Variants in BMPER observed in about 807,000 individuals in gnomAD.
The protein encoded by BMPER is BMP binding endothelial regulator.
Under a neutral mutation model 87.3 loss-of-function variants are expected in BMPER, and 45 were observed. The observed-to-expected ratio is 0.52, with a 90% CI of 0.41 to 0.66. The LOEUF (loss-of-function observed/expected upper bound fraction) is 0.66. Ranked by LOEUF, BMPER falls within the 30% of genes least tolerant of loss-of-function variation. The pLI, the probability that BMPER is intolerant of heterozygous loss-of-function variation, is 0.00. For synonymous variants in BMPER, 326 were observed against 316.2 expected, an observed-to-expected ratio of 1.03 and a Z score of -0.33; for missense variants, 784 against 867.5, an observed-to-expected ratio of 0.90 and a Z score of 1.21.
At chr7:33,940,983 ATT>A (rs1784743418) in intron 3 of BMPER, among the ~76,000 whole-genome samples, 2 of 135,068 alleles carry the variant, frequency 1.5e-5, no homozygotes, top group Middle Eastern at 3.7e-3. Context: ...ATTTATATAT[ATT>A]ATATATTTAT....
intron 3 of BMPER, among the ~76,000 whole-genome samples, chr7:33,943,659 C>T (rs918348432): frequency 1.3e-5 from 2 of 152,152 alleles, no homozygotes; most frequent in Admixed American, 6.5e-5. Context: ...TTTTCTTTCC[C>T]TCTTCCCTGA....
At chr7:34,020,655 G>A (rs1041540273) in intron 6 of BMPER, among the ~76,000 whole-genome samples, 1 of 151,970 alleles carries the variant, frequency 6.6e-6, no homozygotes, top group African/African-American at 2.4e-5. Flanking sequence ...AGTAAAAGGC[G>A]AAGTAGTCCT....
chr7:33,919,951 C>CTATCTATT (rs1343141540), intron 2 of BMPER, among the ~76,000 whole-genome samples: 1 of 151,990 alleles, frequency 6.6e-6, no homozygotes, highest in Non-Finnish European at 1.5e-5. Flanking sequence ...ATCTATCTAT[C>CTATCTATT]TATATGTATT....
chr7:34,035,512 C>G (rs535721313), intron 6 of BMPER, among the ~76,000 whole-genome samples: 85 of 152,262 alleles, frequency 5.6e-4, no homozygotes, highest in African/African-American at 1.9e-3. Flanking sequence ...TCAAAGACTT[C>G]TAAGTATAAT....
In BMPER at chr7:34,099,825, CT is replaced by C. The variant is rs1789629258; in HGVS notation, c.1745+13735del. Among the ~76,000 whole-genome samples, 5 of 151,850 alleles carry C rather than the reference CT, an allele frequency of 3.3e-5. No individual in the cohort carries two copies. The South Asian group carries it at 1.0e-3, about 31-fold the overall frequency. On this transcript the variant is annotated intron_variant, in intron 13 of 14. Transcript: ENST00000649409. ...AAACTGATTTTTTTTTCACATCTTG[CT>C]TAAGATGTTCTCAATTGATGTGTTA... is the stretch of plus-strand genomic sequence containing the variant.
intron 6 of BMPER, among the ~76,000 whole-genome samples, chr7:33,988,670 T>C (rs1388444769): frequency 6.6e-6 from 1 of 152,066 alleles, no homozygotes; most frequent in East Asian, 1.9e-4. Context: ...ATTGTGCAGG[T>C]TAGTCACATA....
chr7:34,037,921 T>C (rs890553203), intron 6 of BMPER, among the ~76,000 whole-genome samples: 3 of 152,242 alleles, frequency 2.0e-5, no homozygotes, highest in African/African-American at 7.2e-5. Context: ...CTTGGCTATC[T>C]TTTCCTTAGG....
intron 13 of BMPER, among the ~76,000 whole-genome samples, chr7:34,115,442 A>G (rs1343684071): frequency 6.6e-6 from 1 of 152,240 alleles, no homozygotes; most frequent in East Asian, 1.9e-4. Context: ...TGTCAGTTCT[A>G]GAACTTATTT....
At chr7:34,126,118 T>C (rs1319731511) in intron 13 of BMPER, among the ~76,000 whole-genome samples, 2 of 152,176 alleles carry the variant, frequency 1.3e-5, no homozygotes, top group African/African-American at 4.8e-5. Context: ...AATGGGGTCA[T>C]TTTAGATACT....
intron 6 of BMPER, among the ~76,000 whole-genome samples, chr7:33,989,640 T>G (rs1786141254): frequency 1.3e-5 from 2 of 152,360 alleles, no homozygotes; most frequent in East Asian, 1.9e-4. Context: ...TTTGTCAATT[T>G]TGCCTTTTGT....
At chr7:34,090,415 C>G (rs955984013) in intron 13 of BMPER, among the ~76,000 whole-genome samples, 1 of 152,144 alleles carries the variant, frequency 6.6e-6, no homozygotes, top group Admixed American at 6.5e-5. Context: ...TATTGCTTCT[C>G]CCTTCATGTC....
At chr7:34,046,255 C>T (rs984621561) in intron 6 of BMPER, 51 bp from the exon 7 acceptor site, 1 of 1,546,540 alleles carries the variant, frequency 6.5e-7, no homozygotes, top group African/African-American at 1.4e-5. Flanking sequence ...GTTGTACAAT[C>T]TACATGCACT....
At chr7:34,120,951 G>A (rs1194677794) in intron 13 of BMPER, among the ~76,000 whole-genome samples, 2 of 151,798 alleles carry the variant, frequency 1.3e-5, no homozygotes, top group Non-Finnish European at 2.9e-5. Context: ...GGATATAATT[G>A]TATGTGGAAA....
At chr7:34,125,607 A>G (rs1228287618) in intron 13 of BMPER, among the ~76,000 whole-genome samples, 1 of 152,212 alleles carries the variant, frequency 6.6e-6, no homozygotes, top group Non-Finnish European at 1.5e-5. Context: ...TCATATATAC[A>G]TTTACTTTAC....
At chr7:33,918,415 C>T (rs1048674918) in intron 2 of BMPER, among the ~76,000 whole-genome samples, 1 of 152,222 alleles carries the variant, frequency 6.6e-6, no homozygotes, top group African/African-American at 2.4e-5. Context: ...GCCTGTGGGG[C>T]TTGCAGCTTC....
At chr7:34,151,892 C>T (rs982973822) in intron 14 of BMPER, among the ~76,000 whole-genome samples, 5 of 152,272 alleles carry the variant, frequency 3.3e-5, no homozygotes, top group South Asian at 2.1e-4. Flanking sequence ...ATTGATTACT[C>T]GCTGGATAGA....
chr7:34,056,134 A>T (rs1250023724), intron 9 of BMPER, among the ~76,000 whole-genome samples: 1 of 152,222 alleles, frequency 6.6e-6, no homozygotes, highest in Non-Finnish European at 1.5e-5. Flanking sequence ...CTGATGGAAT[A>T]GTAAGAAGAC....
At chr7:33,931,983 C>G (rs1316158777) in intron 2 of BMPER, among the ~76,000 whole-genome samples, 1 of 152,184 alleles carries the variant, frequency 6.6e-6, no homozygotes, top group Non-Finnish European at 1.5e-5. Context: ...TTATTTTCCC[C>G]AAGAGCTTGT....
chr7:34,040,300 A>T (rs4723348), intron 6 of BMPER, among the ~76,000 whole-genome samples: 3 of 152,064 alleles, frequency 2.0e-5, no homozygotes, highest in African/African-American at 7.2e-5. Context: ...CCAGTCCCTT[A>T]TCTGGTGCCC....
Sources: gnomAD v4.1 joint callset for allele counts (sites outside exome capture counted in the v4.1 genomes callset) on GRCh38, gnomAD v4.1.1 for gene constraint, MANE v1.5 for transcripts, NCBI Gene and HGNC (gene_info 2026-07-23, HGNC 2026-07-21) for gene names.